The following CHRM3 variants were observed in gnomAD, a reference collection of about 807,000 sequenced individuals.
CHRM3 encodes the protein muscarinic acetylcholine receptor M3.
CHRM3 carries 11 observed loss-of-function variants against 41.8 expected under a neutral mutation model. That is an observed-to-expected ratio of 0.26 (90% CI 0.17 to 0.44). CHRM3 has a LOEUF of 0.44. CHRM3 is among the 20% of genes least tolerant of loss of function. The probability of loss-of-function intolerance (pLI) is 1.00; values close to 1 mark genes in which losing one functional copy is unlikely to be tolerated. For missense variants in CHRM3, 571 were observed against 745.4 expected (o/e 0.77, Z 2.72); for synonymous variants, 297 against 301.4 (o/e 0.99, Z 0.15).
At chr1:239,567,853 G>A (rs986268510) in intron 3 of CHRM3, among the ~76,000 whole-genome samples, 21 of 152,238 alleles carry the variant, frequency 1.4e-4, no homozygotes, top group African/African-American at 5.1e-4. Context: ...GCTCTGTTTG[G>A]GCATGGTTGG....
chr1:239,696,748 T>C (rs1660232864), intron 5 of CHRM3, among the ~76,000 whole-genome samples: 1 of 152,244 alleles, frequency 6.6e-6, no homozygotes, highest in Admixed American at 6.5e-5. Context: ...TATTTTCATC[T>C]TGATGACATT....
At chr1:239,895,572 T>A (rs972349312) in intron 6 of CHRM3, among the ~76,000 whole-genome samples, 1 of 152,120 alleles carries the variant, frequency 6.6e-6, no homozygotes, top group Non-Finnish European at 1.5e-5. Context: ...TCAACCTAAA[T>A]GCCCCTCATC....
chr1:239,487,923 A>G (rs1242605183), intron 1 of CHRM3, among the ~76,000 whole-genome samples: 3 of 152,132 alleles, frequency 2.0e-5, no homozygotes, highest in Non-Finnish European at 4.4e-5. Context: ...GATAAATACA[A>G]ACTACCCAAT....
intron 1 of CHRM3, among the ~76,000 whole-genome samples, chr1:239,432,887 T>C (rs947122529): frequency 6.6e-6 from 1 of 152,194 alleles, no homozygotes; most frequent in Non-Finnish European, 1.5e-5. Flanking sequence ...CTTCCCAGGA[T>C]GGTATTCTTG....
chr1:239,645,372 A>G (rs1184959853), intron 4 of CHRM3, among the ~76,000 whole-genome samples: 2 of 152,234 alleles, frequency 1.3e-5, no homozygotes. Flanking sequence ...AGTAAATGCA[A>G]TAGTCCTCTA....
chr1:239,488,926 A>G (rs1014190054), intron 1 of CHRM3, among the ~76,000 whole-genome samples: 3 of 152,116 alleles, frequency 2.0e-5, no homozygotes, highest in Admixed American at 1.3e-4. Context: ...GTCAGTAGTT[A>G]CTTCTAGAAA....
chr1:239,722,495 G>A (rs78249993), intron 5 of CHRM3, among the ~76,000 whole-genome samples: 98 of 152,000 alleles, frequency 6.4e-4, no homozygotes, highest in African/African-American at 2.3e-3. Flanking sequence ...TTAAGTTCTA[G>A]TCTTAATATC....
intron 1 of CHRM3, among the ~76,000 whole-genome samples, chr1:239,483,922 C>G (rs1366032052): frequency 6.6e-6 from 1 of 152,114 alleles, no homozygotes; most frequent in Non-Finnish European, 1.5e-5. Flanking sequence ...GGCTACCTTT[C>G]TCTTGGAAGC....
chr1:239,424,369 G>C (rs1466677647), intron 1 of CHRM3, among the ~76,000 whole-genome samples: 2 of 150,162 alleles, frequency 1.3e-5, no homozygotes, highest in Non-Finnish European at 3.0e-5. Flanking sequence ...GCTAGGCTTG[G>C]AAATTAATAT....
At chr1:239,485,027 G>A (rs1006076757) in intron 1 of CHRM3, among the ~76,000 whole-genome samples, 1 of 152,118 alleles carries the variant, frequency 6.6e-6, no homozygotes, top group Non-Finnish European at 1.5e-5. Flanking sequence ...CTATATTTAT[G>A]GAGATCTTGA....
At chr1:239,394,711 A>T (rs1659330652) in intron 1 of CHRM3, among the ~76,000 whole-genome samples, 1 of 152,262 alleles carries the variant, frequency 6.6e-6, no homozygotes, top group South Asian at 2.1e-4. Context: ...GATCCCCTTT[A>T]TATTGAGCCA....
At chr1:239,718,883 G>A (rs182699821) in intron 5 of CHRM3, 121 of 152,018 alleles carry the variant, frequency 8.0e-4, no homozygotes, top group African/African-American at 2.7e-3. Flanking sequence ...GTAACTAACA[G>A]TACATCTTTT....
chr1:239,662,893 C>T lies in CHRM3; in HGVS notation c.-249-15293C>T, dbSNP rs6429151. Among the ~76,000 whole-genome samples the T allele has an allele frequency of 5.0e-4, 23 of 46,388 alleles. No individual in the cohort carries two copies. In the South Asian group the frequency reaches 8.8e-3, roughly 18 times the overall value. 30.4% of individuals were successfully genotyped at this position (46,388 alleles called of 152,430 possible). A position where few individuals can be genotyped will look rare whatever the true frequency, so the allele number is the denominator to read the frequency against. On this transcript the variant is annotated intron_variant, in intron 4 of 6. Coordinates refer to ENST00000676153, the MANE Select transcript of CHRM3 (RefSeq NM_001375978.1). ...TCTCCTCTTTCTCCTCTTCCTCCTC[C>T]TCTTCTTCTTCTTCTTCTTCTTCTT...
chr1:239,449,369 A>G (rs1015313522), intron 1 of CHRM3, among the ~76,000 whole-genome samples: 2 of 152,180 alleles, frequency 1.3e-5, no homozygotes, highest in South Asian at 4.1e-4. Flanking sequence ...GATCATTTCG[A>G]AAAAGAACAA....
intron 5 of CHRM3, among the ~76,000 whole-genome samples, chr1:239,807,949 A>G (rs1208856291): frequency 1.3e-5 from 2 of 152,044 alleles, no homozygotes; most frequent in Non-Finnish European, 2.9e-5. Context: ...TGATTATCTC[A>G]TTATTCTTTT....
chr1:239,765,576 T>A (rs1160549542), intron 5 of CHRM3, among the ~76,000 whole-genome samples: 1 of 152,202 alleles, frequency 6.6e-6, no homozygotes, highest in African/African-American at 2.4e-5. Context: ...GTTGCTGGTT[T>A]CAGATTGGTA....
intron 5 of CHRM3, chr1:239,706,645 C>CAG (rs1277144935): frequency 6.6e-6 from 1 of 152,606 alleles, no homozygotes; most frequent in African/African-American, 2.4e-5. Context: ...CACACACACA[C>CAG]AGACATGCAC....
chr1:239,443,009 G>A (rs1385363285), intron 1 of CHRM3, among the ~76,000 whole-genome samples: 1 of 152,102 alleles, frequency 6.6e-6, no homozygotes, highest in Non-Finnish European at 1.5e-5. Context: ...ATTTAATAGA[G>A]CCACCTATCC....
intron 5 of CHRM3, among the ~76,000 whole-genome samples, chr1:239,708,584 C>T (rs545967759): frequency 6.6e-5 from 10 of 152,168 alleles, no homozygotes; most frequent in Admixed American, 1.3e-4. Flanking sequence ...TATTTTTCTC[C>T]GCAGCACCAT....
Sources: allele counts gnomAD v4.1 joint callset (sites outside exome capture counted in the v4.1 genomes callset), GRCh38; gene constraint gnomAD v4.1.1; transcripts MANE v1.5; gene names NCBI Gene and HGNC (gene_info 2026-07-23, HGNC 2026-07-21).